MGAT4C: variants seen among roughly 807,000 people sequenced by gnomAD.
MGAT4C encodes the protein MGAT4 family member C.
Under a neutral mutation model 40.1 loss-of-function variants are expected in MGAT4C, and 19 were observed. The observed-to-expected ratio is 0.47, with a 90% CI of 0.33 to 0.70. MGAT4C has a LOEUF of 0.70. MGAT4C is among the 30% of genes least tolerant of loss of function. MGAT4C has a pLI of 0.02. For synonymous variants in MGAT4C, 181 were observed against 187.1 expected, an observed-to-expected ratio of 0.97 and a Z score of 0.27; for missense variants, 491 against 563.2, an observed-to-expected ratio of 0.87 and a Z score of 1.30.
intron 2 of MGAT4C, among the ~76,000 whole-genome samples, chr12:86,618,344 A>AG (rs756530058): frequency 2.6e-5 from 4 of 152,220 alleles, no homozygotes; most frequent in African/African-American, 9.6e-5. Flanking sequence ...TCCAAAGGAA[A>AG]GTAAATCAGT....
rs1963954530 is a variant in MGAT4C at position 86,660,505 on chromosome 12, T to C, written c.-229+66704A>G. 3.3e-5 allele frequency among the ~76,000 whole-genome samples: 5 copies of C among 152,176 alleles called. No individual in the cohort carries two copies. The South Asian group carries it at 1.0e-3, about 31-fold the overall frequency. On this transcript the variant is annotated intron_variant, in intron 2 of 7. Transcript: ENST00000548651. Reference sequence around the variant, plus strand: ...CTCTGGGTAATTGAATATAAAGATCTGGAGTTCAGGAAAGAGATCTAACCT... The same window carrying C: ...CTCTGGGTAATTGAATATAAAGATCCGGAGTTCAGGAAAGAGATCTAACCT...
intron 1 of MGAT4C, among the ~76,000 whole-genome samples, chr12:86,822,107 AGTT>A (rs1292554162): frequency 7.9e-5 from 12 of 151,094 alleles, no homozygotes; most frequent in African/African-American, 2.7e-4. Context: ...ATTGAATTTA[AGTT>A]GTTATCAGCT....
chr12:86,479,528 A>G (rs888441941), intron 2 of MGAT4C, among the ~76,000 whole-genome samples: 1 of 151,940 alleles, frequency 6.6e-6, no homozygotes, highest in Non-Finnish European at 1.5e-5. Context: ...GTCATCTTCT[A>G]AAAGGTCACA....
At chr12:86,058,645 AT>A (rs1565921412) in intron 1 of MGAT4C, among the ~76,000 whole-genome samples, 4 of 152,112 alleles carry the variant, frequency 2.6e-5, no homozygotes, top group African/African-American at 9.6e-5. Context: ...AAGGCAACAT[AT>A]ATATGTCTTC....
At chr12:86,313,694 A>C (rs1391116808) in intron 4 of MGAT4C, among the ~76,000 whole-genome samples, 1 of 152,220 alleles carries the variant, frequency 6.6e-6, no homozygotes, top group African/African-American at 2.4e-5. Context: ...GGTTAACTAA[A>C]TTACGTCTTA....
chr12:86,377,935 C>A (rs1955861005), intron 3 of MGAT4C, among the ~76,000 whole-genome samples: 1 of 152,128 alleles, frequency 6.6e-6, no homozygotes, highest in African/African-American at 2.4e-5. Flanking sequence ...AATATAGATA[C>A]TTTATATAAG....
intron 1 of MGAT4C, among the ~76,000 whole-genome samples, chr12:86,156,794 G>T (rs1268179545): frequency 6.6e-6 from 1 of 151,978 alleles, no homozygotes; most frequent in East Asian, 1.9e-4. Context: ...TTGGCTCAGG[G>T]CTTTGCATCT....
intron 2 of MGAT4C, among the ~76,000 whole-genome samples, chr12:86,452,406 C>T (rs1351095788): frequency 6.6e-6 from 1 of 151,606 alleles, no homozygotes; most frequent in African/African-American, 2.4e-5. Flanking sequence ...TAACTAGGGC[C>T]ATTCTTGCTT....
intron 4 of MGAT4C, among the ~76,000 whole-genome samples, chr12:86,293,595 T>C (rs1253677289): frequency 6.6e-6 from 1 of 152,232 alleles, no homozygotes; most frequent in African/African-American, 2.4e-5. Flanking sequence ...ACATGCATTG[T>C]CTCCTTTATG....
chr12:86,623,787 C>G (rs1341430198), intron 2 of MGAT4C, among the ~76,000 whole-genome samples: 2 of 152,090 alleles, frequency 1.3e-5, no homozygotes, highest in Non-Finnish European at 2.9e-5. Context: ...ATTTGTCAAA[C>G]AAAATTAGAT....
At chr12:86,767,557 CA>C (rs1951536686) in intron 1 of MGAT4C, among the ~76,000 whole-genome samples, 1 of 152,156 alleles carries the variant, frequency 6.6e-6, no homozygotes, top group African/African-American at 2.4e-5. Flanking sequence ...GGCAGAGACA[CA>C]ACCAAAAAAG....
chr12:86,014,483 C>T (rs937366795), intron 2 of MGAT4C, among the ~76,000 whole-genome samples: 2 of 152,080 alleles, frequency 1.3e-5, no homozygotes, highest in African/African-American at 4.8e-5. Flanking sequence ...AAGAAGGCTG[C>T]CTGCAAATGA....
chr12:86,804,893 G>T (rs1233666561), intron 1 of MGAT4C, among the ~76,000 whole-genome samples: 1 of 151,896 alleles, frequency 6.6e-6, no homozygotes, highest in East Asian at 1.9e-4. Flanking sequence ...GCAGGAGGTG[G>T]CGTCCTAAGT....
At chr12:86,231,740 A>G (rs956745401) in intron 1 of MGAT4C, among the ~76,000 whole-genome samples, 2 of 152,168 alleles carry the variant, frequency 1.3e-5, no homozygotes, top group African/African-American at 4.8e-5. Context: ...AGTATGATGC[A>G]TTTGTATAGA....
chr12:86,175,498 T>C (rs187583274), intron 1 of MGAT4C, among the ~76,000 whole-genome samples: 92 of 152,304 alleles, frequency 6.0e-4, no homozygotes, highest in African/African-American at 2.2e-3. Context: ...CTTTTGTTTT[T>C]ATTTATGTCT....
intron 1 of MGAT4C, among the ~76,000 whole-genome samples, chr12:86,157,433 A>T (rs887491066): frequency 6.6e-6 from 1 of 152,150 alleles, no homozygotes; most frequent in African/African-American, 2.4e-5. Flanking sequence ...ATGTAATGCA[A>T]ATTAAATGTG....
chr12:86,447,558 C>CT (rs753238557), intron 2 of MGAT4C, among the ~76,000 whole-genome samples: 9 of 151,674 alleles, frequency 5.9e-5, no homozygotes, highest in African/African-American at 9.7e-5. Context: ...TTTTTTTTAA[C>CT]TTTTTTTTAC....
intron 2 of MGAT4C, among the ~76,000 whole-genome samples, chr12:86,671,240 C>T (rs1336710749): frequency 1.3e-5 from 2 of 152,142 alleles, no homozygotes; most frequent in Non-Finnish European, 2.9e-5. Flanking sequence ...TTTTTATACT[C>T]TATTTTCACA....
intron 2 of MGAT4C, among the ~76,000 whole-genome samples, chr12:86,499,209 A>G (rs985595975): frequency 4.6e-5 from 7 of 151,798 alleles, no homozygotes; most frequent in Non-Finnish European, 7.4e-5. Flanking sequence ...GTTAAAAGTT[A>G]CAGGTGGATT....
Sources: gnomAD v4.1 joint callset for allele counts (sites outside exome capture counted in the v4.1 genomes callset) on GRCh38, gnomAD v4.1.1 for gene constraint, MANE v1.5 for transcripts, NCBI Gene and HGNC (gene_info 2026-07-23, HGNC 2026-07-21) for gene names.